Variants in GUCY2F observed in about 807,000 individuals in gnomAD.
GUCY2F encodes retinal guanylyl cyclase 2.
A neutral mutation model predicts 73.1 loss-of-function variants in GUCY2F; 61 were observed. The ratio of observed to expected loss-of-function variants is 0.83; its 90% CI spans 0.68 to 1.03. GUCY2F has a LOEUF of 1.03. GUCY2F is among the 50% of genes least tolerant of loss of function. The pLI, the probability that GUCY2F is intolerant of heterozygous loss-of-function variation, is 0.00. For synonymous variants in GUCY2F, 331 were observed against 307.8 expected (o/e 1.08, Z -0.79); for missense variants, 912 against 854.3 (o/e 1.07, Z -0.84).
In GUCY2F at chrX:109,446,454, C is replaced by A. The variant is rs774434888; in HGVS notation, c.1569+1615G>T. 9.9e-5 allele frequency among the ~76,000 whole-genome samples: 11 copies of A among 110,894 alleles called. No homozygotes were observed. The East Asian group carries it at 1.1e-3, about 11-fold the overall frequency. ...ATAGATCAATGGAACAGAACAGAGC[C>A]CTCAGAAATAATACTACACATCTAC... On this transcript the variant is annotated intron_variant, in intron 6 of 19. Coordinates refer to ENST00000218006, the MANE Select transcript of GUCY2F (RefSeq NM_001522.3).
intron 11 of GUCY2F, among the ~76,000 whole-genome samples, chrX:109,396,347 A>C (rs1381681383): frequency 9.6e-6 from 1 of 104,655 alleles, no homozygotes; most frequent in Non-Finnish European, 1.9e-5. Flanking sequence ...CCCTGGCAGC[A>C]GGAAAAAAAA....
intron 3 of GUCY2F, among the ~76,000 whole-genome samples, chrX:109,463,647 C>T (rs1276169763): frequency 2.7e-5 from 3 of 110,597 alleles, no homozygotes; most frequent in African/African-American, 3.3e-5. Flanking sequence ...CCGTGTTAGC[C>T]AGGATGGTCT....
intron 8 of GUCY2F, among the ~76,000 whole-genome samples, chrX:109,418,562 C>A (rs1002218957): frequency 1.8e-5 from 2 of 110,557 alleles, no homozygotes; most frequent in East Asian, 5.6e-4. Flanking sequence ...ATACATGGGT[C>A]AAAAAAGAAT....
chrX:109,411,385 C>T (rs1931107330), intron 8 of GUCY2F, among the ~76,000 whole-genome samples: 1 of 111,265 alleles, frequency 9.0e-6, no homozygotes, highest in African/African-American at 3.3e-5. Context: ...AGTCCAGCTT[C>T]CTAGCCTCAA....
chrX:109,439,953 C>T (rs1931834203), intron 7 of GUCY2F, among the ~76,000 whole-genome samples: 1 of 111,863 alleles, frequency 8.9e-6, no homozygotes, highest in Non-Finnish European at 1.9e-5. Context: ...GCAATCAAGA[C>T]TTTTTCCAGC....
chrX:109,392,891 C>T lies in GUCY2F; in HGVS notation c.2588+1G>A, dbSNP rs146751261. 3.1e-4 allele frequency: 352 copies of T among 1,134,906 alleles called. 2 individuals carry two copies. The highest frequency in any genetic ancestry group is 3.9e-4 in the Non-Finnish European group (320 of 829,079). The allele number at this position is 1,134,906 out of a possible 1,213,427, so 93.5% of individuals were successfully genotyped here. ...CACACTCCTCAGGTGTTCTCACATA[C>T]GGTGGTAGCATCTGTGTTAGAAGCT... is the stretch of plus-strand genomic sequence containing the variant. On this transcript the variant is annotated splice_donor_variant, in intron 13 of 19. Transcript: ENST00000218006. LOFTEE classifies it high-confidence loss of function.
chrX:109,409,942 C>T (rs981566273), intron 8 of GUCY2F, among the ~76,000 whole-genome samples: 4 of 111,061 alleles, frequency 3.6e-5, no homozygotes, highest in African/African-American at 1.3e-4. Context: ...TACATTGATC[C>T]TATGACCCCA....
intron 15 of GUCY2F, among the ~76,000 whole-genome samples, chrX:109,386,031 A>G (rs1421145150): frequency 9.0e-6 from 1 of 110,907 alleles, no homozygotes; most frequent in Non-Finnish European, 1.9e-5. Flanking sequence ...CGAACTCCTG[A>G]GCTCAAGTGA....
Position 109,376,123 on chromosome X carries a change from G to C in GUCY2F, c.3195C>G (p.Gly1065=). The change falls in exon 18 of 20, where the codon GGC becomes GGG. Residue 1065 remains glycine (G), a synonymous_variant. Coordinates refer to ENST00000218006, the MANE Select transcript of GUCY2F (RefSeq NM_001522.3). ...GGGGCACAGGAAGGGGCTTCATGAAGCCTTTTTTCCCAATCAGCCAGAAGG... is the reference window on the plus strand; with the variant it reads ...GGGGCACAGGAAGGGGCTTCATGAACCCTTTTTTCCCAATCAGCCAGAAGG... ...EETFWLIGKK[G]FMKPLPVPPP... 8.3e-7 allele frequency: 1 copy of C among 1,206,318 alleles called. No individual in the cohort carries two copies. The highest frequency in any genetic ancestry group is 1.1e-6 in the Non-Finnish European group (1 of 890,374).
intron 8 of GUCY2F, among the ~76,000 whole-genome samples, chrX:109,426,816 T>C (rs928640959): frequency 1.8e-5 from 2 of 112,055 alleles, no homozygotes; most frequent in African/African-American, 6.5e-5. Flanking sequence ...AAGAATGAAA[T>C]AGTCAAGATA....
chrX:109,454,730 A>G (rs1013529326), intron 3 of GUCY2F, among the ~76,000 whole-genome samples: 1 of 111,763 alleles, frequency 8.9e-6, no homozygotes, highest in Admixed American at 9.5e-5. Flanking sequence ...CCAAAAAGGT[A>G]GAGAGGATGA....
intron 5 of GUCY2F, among the ~76,000 whole-genome samples, chrX:109,451,349 T>C (rs73530245): frequency 0.033 from 3,703 of 111,053 alleles, 131 homozygotes; most frequent in African/African-American, 0.11. Flanking sequence ...ACAGGATAAC[T>C]TTTGCCCAAG....
intron 16 of GUCY2F, among the ~76,000 whole-genome samples, chrX:109,382,592 G>A (rs1321523779): frequency 8.9e-6 from 1 of 112,323 alleles, no homozygotes; most frequent in Non-Finnish European, 1.9e-5. Context: ...TACTATGGCT[G>A]AACTCTCATG....
chrX:109,451,964 T>C (rs1932143493), intron 5 of GUCY2F, 59 bp downstream of exon 5: 1 of 626,503 alleles, frequency 1.6e-6, no homozygotes. Context: ...TGGAAATCAG[T>C]ATTAACAAGG....
chrX:109,453,554 A>AG lies in GUCY2F; in HGVS notation c.1337dup (p.Arg447Ter), dbSNP rs763599424. ...CAAACCAGCATTTTGCATCTGCTCT[A>AG]GGGGGCCTGCCACCAGGGAAGTGAA... On this transcript the variant is annotated frameshift_variant, in exon 4 of 20. Coordinates refer to ENST00000218006, the MANE Select transcript of GUCY2F (RefSeq NM_001522.3). LOFTEE classifies it high-confidence loss of function. The AG allele has an allele frequency of 8.3e-7, 1 of 1,209,614 alleles. No individual in the cohort carries two copies. The highest frequency in any genetic ancestry group is 1.1e-6 in the Non-Finnish European group (1 of 893,831).
intron 3 of GUCY2F, among the ~76,000 whole-genome samples, chrX:109,462,235 G>C (rs1294665950): frequency 4.4e-5 from 5 of 112,974 alleles, no homozygotes; most frequent in Non-Finnish European, 9.4e-5. Context: ...TACACATAGA[G>C]AAACTGAGAC....
At chrX:109,390,510 TG>T (rs749262189) in intron 14 of GUCY2F, among the ~76,000 whole-genome samples, 91 of 112,214 alleles carry the variant, frequency 8.1e-4, no homozygotes, top group Non-Finnish European at 1.3e-3. Context: ...ATTTCATTTT[TG>T]GATTTATATA....
chrX:109,400,412 T>C (rs1349194111), intron 10 of GUCY2F, among the ~76,000 whole-genome samples: 2 of 111,389 alleles, frequency 1.8e-5, no homozygotes, highest in African/African-American at 6.5e-5. Flanking sequence ...AGGGAGAAAG[T>C]AATGGCTAAC....
chrX:109,441,379 T>C lies in GUCY2F; in HGVS notation c.1673A>G (p.Tyr558Cys). Residue 558 changes from tyrosine to cysteine, a missense_variant, in exon 7 of 20, where the codon TAT becomes TGT. Coordinates refer to ENST00000218006, the MANE Select transcript of GUCY2F (RefSeq NM_001522.3). Reference sequence around the variant, plus strand: ...ATAAATCGCTATGTTGGAGTTTTCATAGGTAGCTGGAGTTAGACTCCCTGA... The same window carrying C: ...ATAAATCGCTATGTTGGAGTTTTCACAGGTAGCTGGAGTTAGACTCCCTGA... ...FSSGSLTPATYENSNIAIYEG... is the reference protein window; with the variant it reads ...FSSGSLTPATCENSNIAIYEG... The C allele has an allele frequency of 2.6e-6, 3 of 1,157,519 alleles. No individual in the cohort carries two copies. The highest frequency in any genetic ancestry group is 3.5e-6 in the Non-Finnish European group (3 of 856,737).
Sources: gnomAD v4.1 joint callset for allele counts (sites outside exome capture counted in the v4.1 genomes callset) on GRCh38, gnomAD v4.1.1 for gene constraint, MANE v1.5 for transcripts, NCBI Gene and HGNC (gene_info 2026-07-23, HGNC 2026-07-21) for gene names.